Variants in UNC5D observed in about 807,000 individuals in gnomAD.
UNC5D encodes the protein netrin receptor UNC5D.
UNC5D carries 39 observed loss-of-function variants against 105.4 expected under a neutral mutation model. That is an observed-to-expected ratio of 0.37 (90% CI 0.29 to 0.48). The LOEUF is 0.48. UNC5D is among the 20% of genes least tolerant of loss of function. The pLI, the probability that UNC5D is intolerant of heterozygous loss-of-function variation, is 0.98. For missense variants in UNC5D, 991 were observed against 1,202.4 expected (o/e 0.82, Z 2.60); for synonymous variants, 452 against 450.4 (o/e 1.00, Z -0.04).
intron 12 of UNC5D, among the ~76,000 whole-genome samples, chr8:35,749,719 C>T (rs1234651324): frequency 6.6e-6 from 1 of 152,116 alleles, no homozygotes; most frequent in Non-Finnish European, 1.5e-5. Context: ...TTATGTTTGG[C>T]TTTGCTTTGA....
intron 4 of UNC5D, among the ~76,000 whole-genome samples, chr8:35,634,883 C>T (rs1302078173): frequency 6.6e-6 from 1 of 151,912 alleles, no homozygotes; most frequent in Non-Finnish European, 1.5e-5. Context: ...TCCTCTGCCT[C>T]AGCTCCTGAG....
rs914286156 is a variant in UNC5D, at chr8:35,555,442, T to C, written c.322+5932T>C. 2.6e-5 allele frequency among the ~76,000 whole-genome samples: 4 copies of C among 152,220 alleles called. No individual in the cohort carries two copies. In the East Asian group the frequency reaches 5.8e-4, roughly 22 times the overall value. On this transcript the variant is annotated intron_variant, in intron 2 of 16. Coordinates refer to ENST00000404895, the MANE Select transcript of UNC5D (RefSeq NM_080872.4). ...CTAATCACTTTATATAATTTAATAA[T>C]GTCTGATATCGACCATACATCTGTC...
At chr8:35,486,329 C>T (rs75557800) in intron 1 of UNC5D, among the ~76,000 whole-genome samples, 3,444 of 152,218 alleles carry the variant, frequency 0.023, 134 homozygotes, top group African/African-American at 0.079. Context: ...ATCCTCTAAG[C>T]ACATAATAAG....
intron 1 of UNC5D, among the ~76,000 whole-genome samples, chr8:35,534,023 G>A (rs1814640099): frequency 6.6e-6 from 1 of 152,174 alleles, no homozygotes; most frequent in Admixed American, 6.5e-5. Flanking sequence ...CGCTCACGCT[G>A]GGAACTGTAG....
intron 8 of UNC5D, among the ~76,000 whole-genome samples, chr8:35,708,955 C>A (rs1827771999): frequency 6.6e-6 from 1 of 152,116 alleles, no homozygotes; most frequent in South Asian, 2.1e-4. Context: ...GAACAGTATA[C>A]CATCAACTCA....
At chr8:35,287,081 G>A (rs1806653387) in intron 1 of UNC5D, among the ~76,000 whole-genome samples, 3 of 152,240 alleles carry the variant, frequency 2.0e-5, no homozygotes, top group Admixed American at 2.0e-4. Context: ...ACCAAGCAAA[G>A]GCTGCCAGCC....
intron 1 of UNC5D, among the ~76,000 whole-genome samples, chr8:35,509,901 T>C (rs1180188378): frequency 6.6e-6 from 1 of 152,150 alleles, no homozygotes; most frequent in Admixed American, 6.5e-5. Context: ...ATCACAGAGC[T>C]TAAGGAAACC....
chr8:35,240,961 T>G (rs1802768375), intron 1 of UNC5D, among the ~76,000 whole-genome samples: 1 of 152,212 alleles, frequency 6.6e-6, no homozygotes, highest in Non-Finnish European at 1.5e-5. Flanking sequence ...AATTTTGAAT[T>G]TCGGCAGAAA....
At position 35,696,752 on chromosome 8, in the gene UNC5D, G is replaced by A. The variant is rs555159479; in HGVS notation, c.1085-9177G>A. The stretch of plus-strand genomic sequence containing the variant: ...AAGGTGATAAATATAATAAAGATGA[G>A]ACTAACATCATCAATAGACGCTATC... On this transcript the variant is annotated intron_variant, in intron 7 of 16. Transcript: ENST00000404895. Among the ~76,000 whole-genome samples the A allele has an allele frequency of 9.9e-5, 15 of 152,202 alleles. No individual in the cohort carries two copies. In the East Asian group the frequency reaches 2.9e-3, roughly 29 times the overall value.
At chr8:35,776,293 A>C (rs1434630564) in intron 16 of UNC5D, among the ~76,000 whole-genome samples, 1 of 152,222 alleles carries the variant, frequency 6.6e-6, no homozygotes, top group East Asian at 1.9e-4. Flanking sequence ...ATGATTTTTT[A>C]AGTCACCATT....
intron 8 of UNC5D, among the ~76,000 whole-genome samples, chr8:35,719,455 C>T (rs1828451268): frequency 6.6e-6 from 1 of 152,110 alleles, no homozygotes; most frequent in African/African-American, 2.4e-5. Flanking sequence ...GAAAGAAGCA[C>T]AGTGACCCAA....
chr8:35,519,200 A>G (rs1813298105), intron 1 of UNC5D, among the ~76,000 whole-genome samples: 1 of 151,826 alleles, frequency 6.6e-6, no homozygotes, highest in African/African-American at 2.4e-5. Flanking sequence ...TTTCAGATTT[A>G]TCTATATCTT....
chr8:35,530,024 G>T (rs1814221382), intron 1 of UNC5D, among the ~76,000 whole-genome samples: 1 of 150,094 alleles, frequency 6.7e-6, no homozygotes, highest in Admixed American at 6.6e-5. Flanking sequence ...TTTCCTAATT[G>T]AATACCCTTT....
chr8:35,255,530 A>C (rs1352646636), intron 1 of UNC5D: 2 of 152,138 alleles, frequency 1.3e-5, no homozygotes, highest in Non-Finnish European at 2.9e-5. Flanking sequence ...AATTGTATTT[A>C]TTTAATCTCC....
At chr8:35,432,162 A>G (rs1030226468) in intron 1 of UNC5D, among the ~76,000 whole-genome samples, 2 of 152,150 alleles carry the variant, frequency 1.3e-5, no homozygotes, top group Non-Finnish European at 2.9e-5. Flanking sequence ...ATTTATCTAT[A>G]CAATAGGGAA....
intron 4 of UNC5D, among the ~76,000 whole-genome samples, chr8:35,658,323 A>G (rs1391164377): frequency 1.3e-5 from 2 of 152,244 alleles, no homozygotes; most frequent in Admixed American, 1.3e-4. Flanking sequence ...ATATGTCAGC[A>G]TGTACATCCA....
intron 4 of UNC5D, among the ~76,000 whole-genome samples, chr8:35,654,790 G>C (rs1823633826): frequency 6.6e-6 from 1 of 152,092 alleles, no homozygotes; most frequent in Non-Finnish European, 1.5e-5. Context: ...TCCATGACTT[G>C]AGTGGCTAAC....
chr8:35,564,176 T>G (rs1362609503), intron 2 of UNC5D, among the ~76,000 whole-genome samples: 1 of 152,102 alleles, frequency 6.6e-6, no homozygotes, highest in Non-Finnish European at 1.5e-5. Context: ...TTTTGAGACT[T>G]GTTTTGTGGC....
At chr8:35,542,753 G>A (rs1815366375) in intron 1 of UNC5D, among the ~76,000 whole-genome samples, 1 of 152,152 alleles carries the variant, frequency 6.6e-6, no homozygotes, top group Admixed American at 6.5e-5. Context: ...AGTGTTATAA[G>A]CAACGGTCCA....
Sources: allele counts gnomAD v4.1 joint callset (sites outside exome capture counted in the v4.1 genomes callset), GRCh38; gene constraint gnomAD v4.1.1; transcripts MANE v1.5; gene names NCBI Gene and HGNC (gene_info 2026-07-23, HGNC 2026-07-21).